The following UNC5D variants were observed in gnomAD, a reference collection of about 807,000 sequenced individuals.
UNC5D encodes the protein unc-5 netrin receptor D.
In UNC5D, 39 loss-of-function variants were observed where a neutral mutation model predicts 105.4. The observed-to-expected ratio is 0.37, with a 90% CI of 0.29 to 0.48. The LOEUF (loss-of-function observed/expected upper bound fraction) is 0.48. Among genes scored for constraint, UNC5D ranks in the 20% least tolerant of loss-of-function variants. UNC5D has a pLI of 0.98. For synonymous variants in UNC5D, 452 were observed against 450.4 expected, an observed-to-expected ratio of 1.00 and a Z score of -0.04; for missense variants, 991 against 1,202.4, an observed-to-expected ratio of 0.82 and a Z score of 2.60.
chr8:35,279,329 T>C (rs746482530), intron 1 of UNC5D, among the ~76,000 whole-genome samples: 2 of 152,264 alleles, frequency 1.3e-5, no homozygotes, highest in Non-Finnish European at 2.9e-5. Context: ...GTTGTCCACC[T>C]GTACCTTGGT....
At chr8:35,702,483 C>G (rs1827277504) in intron 7 of UNC5D, among the ~76,000 whole-genome samples, 1 of 151,752 alleles carries the variant, frequency 6.6e-6, no homozygotes, top group Non-Finnish European at 1.5e-5. Context: ...GAACCATGGC[C>G]CTAATGGATT....
At chr8:35,364,967 G>A (rs1301245451) in intron 1 of UNC5D, among the ~76,000 whole-genome samples, 2 of 152,060 alleles carry the variant, frequency 1.3e-5, no homozygotes, top group Non-Finnish European at 2.9e-5. Context: ...TATTTCCAAG[G>A]TCATATAGAT....
intron 1 of UNC5D, among the ~76,000 whole-genome samples, chr8:35,363,604 C>T (rs1410752675): frequency 6.6e-6 from 1 of 152,120 alleles, no homozygotes; most frequent in Non-Finnish European, 1.5e-5. Context: ...GCCTTCTCTG[C>T]ATTGTATTAG....
At chr8:35,285,883 T>C (rs1806559354) in intron 1 of UNC5D, among the ~76,000 whole-genome samples, 1 of 152,174 alleles carries the variant, frequency 6.6e-6, no homozygotes, top group Non-Finnish European at 1.5e-5. Flanking sequence ...GAGGTGAAAG[T>C]CCTGTGATTG....
intron 1 of UNC5D, among the ~76,000 whole-genome samples, chr8:35,333,301 A>G (rs112927232): frequency 5.3e-5 from 8 of 152,296 alleles, no homozygotes; most frequent in African/African-American, 1.9e-4. Flanking sequence ...ACCCTGGTTG[A>G]CAGAGTGAGA....
intron 1 of UNC5D, among the ~76,000 whole-genome samples, chr8:35,372,384 A>G (rs545608561): frequency 1.3e-5 from 2 of 152,264 alleles, no homozygotes; most frequent in South Asian, 4.2e-4. Context: ...TTGGCCTCCC[A>G]AAGTGCTGGG....
chr8:35,285,034 T>C (rs1290938747), intron 1 of UNC5D, among the ~76,000 whole-genome samples: 1 of 152,214 alleles, frequency 6.6e-6, no homozygotes, highest in African/African-American at 2.4e-5. Context: ...TTGAGATAGA[T>C]ACCAATACCT....
At chr8:35,707,182 G>A (rs1253210527) in intron 8 of UNC5D, among the ~76,000 whole-genome samples, 1 of 152,120 alleles carries the variant, frequency 6.6e-6, no homozygotes, top group African/African-American at 2.4e-5. Flanking sequence ...ACAGAAATAG[G>A]TAACTTGGGA....
chr8:35,628,148 T>G (rs1410383388), intron 4 of UNC5D, among the ~76,000 whole-genome samples: 1 of 152,110 alleles, frequency 6.6e-6, no homozygotes, highest in African/African-American at 2.4e-5. Context: ...TACTTATTTT[T>G]TTTGAGACTG....
intron 1 of UNC5D, among the ~76,000 whole-genome samples, chr8:35,388,575 T>C (rs1803580584): frequency 6.6e-6 from 1 of 152,194 alleles, no homozygotes; most frequent in Non-Finnish European, 1.5e-5. Context: ...AAGGGTTATA[T>C]GGTCAAACAG....
At chr8:35,303,711 A>G (rs1164646641) in intron 1 of UNC5D, among the ~76,000 whole-genome samples, 1 of 152,158 alleles carries the variant, frequency 6.6e-6, no homozygotes, top group Non-Finnish European at 1.5e-5. Flanking sequence ...GTCCACTGTG[A>G]GGCAGCTTGT....
At chr8:35,584,805 C>T (rs1397647887) in intron 3 of UNC5D, among the ~76,000 whole-genome samples, 1 of 152,098 alleles carries the variant, frequency 6.6e-6, no homozygotes, top group Non-Finnish European at 1.5e-5. Context: ...TTGTAAGACA[C>T]AGTTGTATTG....
chr8:35,498,850 ATTT>A (rs1811789016), intron 1 of UNC5D, among the ~76,000 whole-genome samples: 1 of 152,112 alleles, frequency 6.6e-6, no homozygotes, highest in African/African-American at 2.4e-5. Flanking sequence ...TACCCTGTGT[ATTT>A]TTATTACTTT....
intron 16 of UNC5D, among the ~76,000 whole-genome samples, chr8:35,789,512 T>C (rs1802930658): frequency 6.6e-6 from 1 of 151,932 alleles, no homozygotes; most frequent in South Asian, 2.1e-4. Flanking sequence ...TGGTTATAAA[T>C]ACTGGGATAC....
chr8:35,572,157 A>G (rs893467166), intron 3 of UNC5D, among the ~76,000 whole-genome samples: 21 of 151,398 alleles, frequency 1.4e-4, no homozygotes, highest in Admixed American at 1.2e-3. Flanking sequence ...GCACAGTGGC[A>G]TGTGCCTGTG....
chr8:35,374,233 G>A (rs1034362536), intron 1 of UNC5D, among the ~76,000 whole-genome samples: 1 of 152,178 alleles, frequency 6.6e-6, no homozygotes, highest in African/African-American at 2.4e-5. Flanking sequence ...ATGACAGAAA[G>A]TGTGTGTTTT....
chr8:35,583,954 T>C (rs1276754182), intron 3 of UNC5D, among the ~76,000 whole-genome samples: 2 of 152,120 alleles, frequency 1.3e-5, no homozygotes, highest in African/African-American at 4.8e-5. Context: ...TCAAAGGAAA[T>C]GGTGCTGAGT....
chr8:35,532,203 T>C (rs1814440777), intron 1 of UNC5D, among the ~76,000 whole-genome samples: 1 of 150,672 alleles, frequency 6.6e-6, no homozygotes, highest in Admixed American at 6.6e-5. Context: ...CCTTTCCATG[T>C]TTAGCGCTTC....
At chr8:35,286,488 C>A (rs1806606914) in intron 1 of UNC5D, among the ~76,000 whole-genome samples, 1 of 152,270 alleles carries the variant, frequency 6.6e-6, no homozygotes, top group East Asian at 1.9e-4. Context: ...CTGACCCTAG[C>A]AGTGGAGAGG....
Sources: allele counts gnomAD v4.1 joint callset (sites outside exome capture counted in the v4.1 genomes callset), GRCh38; gene constraint gnomAD v4.1.1; transcripts MANE v1.5; gene names NCBI Gene and HGNC (gene_info 2026-07-23, HGNC 2026-07-21).